INSL6: variants seen among roughly 807,000 people sequenced by gnomAD.
INSL6 encodes the protein insulin like 6, also known as insulin-like peptide INSL6.
A neutral mutation model predicts 9.4 loss-of-function variants in INSL6; 16 were observed. The observed-to-expected ratio is 1.70, with a 90% confidence interval of 1.15 to 2.59. The LOEUF is 2.59. INSL6 is among the 30% of genes most tolerant of loss of function. INSL6 has a pLI of 0.00. For synonymous variants in INSL6, 154 were observed against 96.9 expected (o/e 1.59, Z -3.46); for missense variants, 391 against 257.3 (o/e 1.52, Z -3.56).
At chr9:5,157,065 T>A (rs1477506593) in intron 2 of INSL6, among the ~76,000 whole-genome samples, 1 of 152,098 alleles carries the variant, frequency 6.6e-6, no homozygotes, top group Non-Finnish European at 1.5e-5. Flanking sequence ...TAACAACATA[T>A]GTATTATAAC....
chr9:5,039,887 C>T, the INSL6 span, among the ~76,000 whole-genome samples: 1 of 152,074 alleles, frequency 6.6e-6, no homozygotes, highest in Non-Finnish European at 1.5e-5. Context: ...GGCAATACTC[C>T]TTAATTGATC....
chr9:5,153,767 G>C (rs1355850250), intron 2 of INSL6, among the ~76,000 whole-genome samples: 2 of 152,164 alleles, frequency 1.3e-5, no homozygotes, highest in Non-Finnish European at 2.9e-5. Flanking sequence ...ACTTACGAGG[G>C]ATGTGGAGGA....
chr9:5,109,585 A>T, the INSL6 span: 1 of 152,270 alleles, frequency 6.6e-6, no homozygotes, highest in East Asian at 1.9e-4. Context: ...GAAGATTCAT[A>T]CCCAAATTAC....
chr9:5,077,974 T>C, the INSL6 span, among the ~76,000 whole-genome samples: 5 of 152,190 alleles, frequency 3.3e-5, no homozygotes, highest in Non-Finnish European at 7.4e-5. Flanking sequence ...CCCCTCAGGG[T>C]GCACCTATGT....
the INSL6 span, chr9:5,029,916 TCAGTAAAGTAAC>T: frequency 2.5e-6 from 4 of 1,572,408 alleles, no homozygotes; most frequent in Non-Finnish European, 3.4e-6. Context: ...GGTACTTTCT[TCAGTAAAGTAAC>T]TCACTTAATG....
the INSL6 span, among the ~76,000 whole-genome samples, chr9:5,057,061 CAT>C: frequency 6.6e-6 from 1 of 152,094 alleles, no homozygotes; most frequent in Non-Finnish European, 1.5e-5. Flanking sequence ...ATTTCTTTCT[CAT>C]ATTAAATTTT....
chr9:5,015,951 A>G, the INSL6 span, among the ~76,000 whole-genome samples: 1 of 152,250 alleles, frequency 6.6e-6, no homozygotes, highest in African/African-American at 2.4e-5. Flanking sequence ...TATATAGATT[A>G]TAAGTGCAAA....
chr9:5,053,953 A>G, the INSL6 span, among the ~76,000 whole-genome samples: 1 of 152,176 alleles, frequency 6.6e-6, no homozygotes, highest in Non-Finnish European at 1.5e-5. Flanking sequence ...TGTTCCTTAG[A>G]AGCACAGAAA....
intron 1 of INSL6, among the ~76,000 whole-genome samples, chr9:5,165,970 C>A (rs747540346): frequency 6.6e-6 from 1 of 152,136 alleles, no homozygotes; most frequent in Non-Finnish European, 1.5e-5. Flanking sequence ...GGCACCTGAC[C>A]CAAAAGAAAC....
chr9:5,029,807 T>C, the INSL6 span: 2 of 1,611,362 alleles, frequency 1.2e-6, no homozygotes, highest in Non-Finnish European at 8.5e-7. Context: ...TATCATAATA[T>C]GTTTGCTTTA....
chr9:5,160,102 G>C (rs933181103), downstream of INSL6, among the ~76,000 whole-genome samples: 5 of 151,754 alleles, frequency 3.3e-5, no homozygotes, highest in African/African-American at 9.7e-5. Context: ...CTTGAACCCG[G>C]GGGATGGAGG....
intron 3 of INSL6, among the ~76,000 whole-genome samples, chr9:5,130,369 TTA>T (rs1824246723): frequency 6.6e-6 from 1 of 152,192 alleles, no homozygotes; most frequent in African/African-American, 2.4e-5. Flanking sequence ...AGCATAGCTT[TTA>T]GATCTGAATT....
the INSL6 span, chr9:5,041,786 T>G: frequency 4.3e-5 from 21 of 487,032 alleles, no homozygotes; most frequent in Non-Finnish European, 8.2e-5. Flanking sequence ...AGCCTCAGCT[T>G]CGGGACAAAG....
At chr9:5,089,850 G>A in the INSL6 span, 24 of 1,521,854 alleles carry the variant, frequency 1.6e-5, no homozygotes, top group Non-Finnish European at 2.1e-5. Context: ...ACAAGGGAGT[G>A]TGCTACAGTG....
the INSL6 span, among the ~76,000 whole-genome samples, chr9:5,019,422 G>A: frequency 6.6e-6 from 1 of 151,888 alleles, no homozygotes; most frequent in African/African-American, 2.4e-5. Context: ...ATTTCTCATT[G>A]ATATCCTGAG....
the INSL6 span, among the ~76,000 whole-genome samples, chr9:5,060,840 A>C: frequency 1.1e-4 from 17 of 152,206 alleles, no homozygotes; most frequent in African/African-American, 4.1e-4. Flanking sequence ...ATGAATCACT[A>C]TCTATGGCAG....
At chr9:4,992,406 G>T in the INSL6 span, among the ~76,000 whole-genome samples, 1 of 152,186 alleles carries the variant, frequency 6.6e-6, no homozygotes, top group South Asian at 2.1e-4. Context: ...AGCCTGTCCA[G>T]ATTTGATGGG....
chr9:5,174,026 T>G (rs1825243991), intron 1 of INSL6, among the ~76,000 whole-genome samples: 1 of 152,212 alleles, frequency 6.6e-6, no homozygotes, highest in Non-Finnish European at 1.5e-5. Flanking sequence ...TTTCTACAGA[T>G]GAACTATACA....
the INSL6 span, among the ~76,000 whole-genome samples, chr9:5,064,558 A>G: frequency 2.0e-5 from 3 of 152,032 alleles, no homozygotes; most frequent in Non-Finnish European, 4.4e-5. Flanking sequence ...GGAAATGCTC[A>G]TGATTTCTAA....
Sources: gnomAD v4.1 joint callset for allele counts (sites outside exome capture counted in the v4.1 genomes callset) on GRCh38, gnomAD v4.1.1 for gene constraint, MANE v1.5 for transcripts, NCBI Gene and HGNC (gene_info 2026-07-23, HGNC 2026-07-21) for gene names.